The following CSNK1A1 variants were observed in gnomAD, a reference collection of about 807,000 sequenced individuals.
CSNK1A1 encodes the protein casein kinase I isoform alpha.
Under a neutral mutation model 46.1 loss-of-function variants are expected in CSNK1A1, and 7 were observed. That is an observed-to-expected ratio of 0.15 (90% confidence interval 0.09 to 0.29). The LOEUF is 0.29. Among genes scored for constraint, CSNK1A1 ranks in the 10% least tolerant of loss-of-function variants. The probability of loss-of-function intolerance (pLI) is 1.00; values close to 1 mark genes in which losing one functional copy is unlikely to be tolerated. For missense variants in CSNK1A1, 96 were observed against 417.1 expected (o/e 0.23, Z 6.71); for synonymous variants, 137 against 141.5 (o/e 0.97, Z 0.23).
chr5:149,532,732 G>A (rs1761941930), intron 2 of CSNK1A1, among the ~76,000 whole-genome samples: 1 of 152,106 alleles, frequency 6.6e-6, no homozygotes, highest in African/African-American at 2.4e-5. Context: ...CAAAGTCAAA[G>A]GTTCTGCTAA....
At chr5:149,538,014 GTTTTTTTT>G (rs890909710) in intron 2 of CSNK1A1, among the ~76,000 whole-genome samples, 1 of 85,728 alleles carries the variant, frequency 1.2e-5, no homozygotes, top group Admixed American at 1.6e-4. Context: ...AGTGTGCCCA[GTTTTTTTT>G]TTTTTTTTTT....
chr5:149,531,303 G>A (rs891089563), intron 2 of CSNK1A1, among the ~76,000 whole-genome samples: 1 of 151,288 alleles, frequency 6.6e-6, no homozygotes, highest in Admixed American at 6.6e-5. Flanking sequence ...GGGAGGCCAA[G>A]GAGGGCGGAT....
In CSNK1A1 at chr5:149,550,659, C is replaced by G. The variant is rs186717428; in HGVS notation, c.123+183G>C. Among the ~76,000 whole-genome samples, 63 of 151,924 alleles carry G rather than the reference C, an allele frequency of 4.1e-4. No homozygotes were observed. The highest frequency in any genetic ancestry group is 1.3e-3 in the African/African-American group (52 of 41,458). ...AAACTAGTTCCCCCAACCTTTCTAT[C>G]GGGTTCTTGACCCTTTTAGGGAGAC... On this transcript the variant is annotated intron_variant, in intron 1 of 9. Coordinates refer to ENST00000377843, the MANE Select transcript of CSNK1A1 (RefSeq NM_001892.6). This position sits in a 1 kb window ranked among gnomAD's most constrained non-coding sequence, Gnocchi z 4.3.
At position 149,493,866 on chromosome 5, in the gene CSNK1A1, G is replaced by A. The variant is rs1760586948; in HGVS notation, c.*2987C>T. The A allele has an allele frequency of 6.6e-6, 1 of 152,066 alleles. No individual in the cohort carries two copies. The highest frequency in any genetic ancestry group is 6.5e-5 in the Admixed American group (1 of 15,268). The allele number at this position is 152,066 out of a possible 1,614,324, so 9.4% of individuals were successfully genotyped here. A position where few individuals can be genotyped will look rare whatever the true frequency, so the allele number is the denominator to read the frequency against. ...ACATGGTTATAACTGCTTAAAAACT[G>A]GCAAAGAGAAAACCTAAAATAATGC... On this transcript the variant is annotated 3_prime_UTR_variant, in exon 10 of 10. Transcript: ENST00000377843.
intron 7 of CSNK1A1, among the ~76,000 whole-genome samples, chr5:149,508,445 T>C (rs1055701177): frequency 1.3e-5 from 2 of 152,220 alleles, no homozygotes; most frequent in Non-Finnish European, 1.5e-5. Flanking sequence ...ACTATTTATT[T>C]GTATACTGCT....
rs11556830 is a variant in CSNK1A1 at position 149,551,097 on chromosome 5, G to C, written c.-133C>G. On this transcript the variant is annotated 5_prime_UTR_variant, in exon 1 of 10. Transcript: ENST00000377843. ...AAACGGAACACGGAGGCCTTTACCG[G>C]GGTTCGGGGCCCAGAATCAGCAGAG... 8.1e-3 allele frequency: 7,827 copies of C among 963,338 alleles called. 39 individuals carry two copies. The highest frequency in any genetic ancestry group is 0.01 in the Non-Finnish European group (6,703 of 645,018). The allele number at this position is 963,338 out of a possible 1,614,324, so 59.7% of individuals were successfully genotyped here.
chr5:149,503,252 C>T (rs1352811651), intron 9 of CSNK1A1: 1 of 985,278 alleles, frequency 1.0e-6, no homozygotes, highest in Non-Finnish European at 1.2e-6. Flanking sequence ...GAATATGTTC[C>T]TCATGCTTAT....
chr5:149,529,578 G>C (rs1345434093), intron 2 of CSNK1A1: 1 of 407,438 alleles, frequency 2.5e-6, no homozygotes, highest in Admixed American at 2.8e-5. Flanking sequence ...ACAGTGTTTT[G>C]ATAAGTAAGG....
At chr5:149,520,238 T>C in intron 4 of CSNK1A1, 52 bp downstream of exon 4, 1 of 1,171,528 alleles carries the variant, frequency 8.5e-7, no homozygotes, top group Non-Finnish European at 1.2e-6. Context: ...CCAAAGCAAT[T>C]CTTGTCGAAA....
chr5:149,536,563 CAGA>C (rs1762068550), intron 2 of CSNK1A1, among the ~76,000 whole-genome samples: 2 of 152,000 alleles, frequency 1.3e-5, no homozygotes, highest in Non-Finnish European at 2.9e-5. Flanking sequence ...GTAGCAAATA[CAGA>C]AGAAAGGACA....
At chr5:149,535,192 A>G (rs952604600) in intron 2 of CSNK1A1, among the ~76,000 whole-genome samples, 15 of 152,116 alleles carry the variant, frequency 9.9e-5, no homozygotes, top group African/African-American at 3.6e-4. Context: ...TCAACAGCCC[A>G]TTATCCTGAC....
intron 9 of CSNK1A1, chr5:149,497,786 A>T (rs1488430694): frequency 1.6e-5 from 16 of 985,262 alleles, no homozygotes; most frequent in Middle Eastern, 5.2e-4. Flanking sequence ...TCACTTCTTC[A>T]GCCCAGGTCA....
intron 9 of CSNK1A1, among the ~76,000 whole-genome samples, chr5:149,500,514 C>T (rs1195811755): frequency 6.6e-6 from 1 of 150,860 alleles, no homozygotes; most frequent in Non-Finnish European, 1.5e-5. Context: ...CCTGACCTCA[C>T]GATCTGCCCG....
chr5:149,539,631 G>C (rs1043492535), intron 2 of CSNK1A1, among the ~76,000 whole-genome samples: 4 of 151,942 alleles, frequency 2.6e-5, no homozygotes, highest in African/African-American at 4.8e-5. Flanking sequence ...TTACATATCA[G>C]AATCACCTGG....
chr5:149,544,571 A>G (rs1198139701), intron 2 of CSNK1A1, among the ~76,000 whole-genome samples: 2 of 151,314 alleles, frequency 1.3e-5, no homozygotes, highest in Admixed American at 6.6e-5. Flanking sequence ...GAACACACAA[A>G]AAAAGGTTTT....
rs1032764235 is a variant in CSNK1A1 at position 149,494,799 on chromosome 5, A to C, written c.*2054T>G. ...ACAGCAGTTTTAAATCTGCAACTTA[A>C]TTACAGACCAACTACACCACAACCT... On this transcript the variant is annotated 3_prime_UTR_variant, in exon 10 of 10. Transcript: ENST00000377843. 1.3e-5 allele frequency: 2 copies of C among 152,222 alleles called. No homozygotes were observed. Among genetic ancestry groups the C allele is most frequent in the African/African-American group, 4.8e-5 (2 of 41,464 alleles). The allele number at this position is 152,222 out of a possible 1,614,324, so 9.4% of individuals were successfully genotyped here.
intron 9 of CSNK1A1, chr5:149,497,610 G>C (rs1269391253): frequency 1.0e-6 from 1 of 985,302 alleles, no homozygotes. Flanking sequence ...TACAGCTAAA[G>C]GCAAAGGGAG....
At chr5:149,543,046 A>G (rs886628838) in intron 2 of CSNK1A1, among the ~76,000 whole-genome samples, 2 of 152,084 alleles carry the variant, frequency 1.3e-5, no homozygotes, top group African/African-American at 4.8e-5. Flanking sequence ...CAGATTCAAA[A>G]GGGAGAATAA....
At chr5:149,546,964 AAC>A (rs977443847) in intron 2 of CSNK1A1, among the ~76,000 whole-genome samples, 6 of 152,284 alleles carry the variant, frequency 3.9e-5, no homozygotes, top group Non-Finnish European at 7.4e-5. Context: ...CTTCAGTGGA[AAC>A]AGTTTTTTTT....
Sources: allele counts gnomAD v4.1 joint callset (sites outside exome capture counted in the v4.1 genomes callset), GRCh38; gene constraint gnomAD v4.1.1; non-coding constraint Gnocchi (gnomAD v3.1); transcripts MANE v1.5; gene names NCBI Gene and HGNC (gene_info 2026-07-23, HGNC 2026-07-21).